Variants in SEC24D observed in about 807,000 individuals in gnomAD.
The protein encoded by SEC24D is SEC24 homolog D, COPII component, also known as protein transport protein Sec24D.
A neutral mutation model predicts 116.9 loss-of-function variants in SEC24D; 69 were observed. The observed-to-expected ratio is 0.59, with a 90% CI of 0.49 to 0.72. The LOEUF (loss-of-function observed/expected upper bound fraction) is 0.72, where lower values mean the gene tolerates loss of function less well. Among genes scored for constraint, SEC24D ranks in the 30% least tolerant of loss-of-function variants. SEC24D has a pLI of 0.00. For synonymous variants in SEC24D, 405 were observed against 442.8 expected, an observed-to-expected ratio of 0.91 and a Z score of 1.07; for missense variants, 1,131 against 1,264.1, an observed-to-expected ratio of 0.89 and a Z score of 1.60.
intron 3 of SEC24D, among the ~76,000 whole-genome samples, chr4:118,819,421 C>T (rs1578472972): frequency 6.7e-6 from 1 of 148,804 alleles, no homozygotes; most frequent in Non-Finnish European, 1.5e-5. Context: ...GTCCCAGCTA[C>T]TTGGGAGCCT....
At chr4:118,813,236 G>C (rs780803977) in intron 6 of SEC24D, among the ~76,000 whole-genome samples, 1 of 152,160 alleles carries the variant, frequency 6.6e-6, no homozygotes, top group Admixed American at 6.5e-5. Flanking sequence ...GAGTCACATG[G>C]TCACAAGCCA....
intron 6 of SEC24D, among the ~76,000 whole-genome samples, chr4:118,808,058 C>A (rs543027723): frequency 3.0e-4 from 45 of 151,608 alleles, no homozygotes; most frequent in African/African-American, 1.0e-3. Context: ...ATCTCCTGGG[C>A]TCAAGCCATC....
intron 8 of SEC24D, among the ~76,000 whole-genome samples, chr4:118,788,738 G>A (rs1221422942): frequency 6.6e-6 from 1 of 152,176 alleles, no homozygotes; most frequent in East Asian, 1.9e-4. Flanking sequence ...TTTAAAAAAT[G>A]TTTATTTCAT....
At chr4:118,738,458 A>C in intron 18 of SEC24D, 79 bp from the exon 19 acceptor site, 1 of 991,238 alleles carries the variant, frequency 1.0e-6, no homozygotes, top group South Asian at 1.3e-5. Flanking sequence ...AAAAAAGAAC[A>C]AGTTGCTATT....
intron 8 of SEC24D, among the ~76,000 whole-genome samples, chr4:118,777,059 T>C (rs979536897): frequency 6.6e-6 from 1 of 152,050 alleles, no homozygotes; most frequent in Non-Finnish European, 1.5e-5. Context: ...TATAAGGCCA[T>C]AAAAAGAGAT....
chr4:118,761,516 C>A (rs180976929), intron 10 of SEC24D, among the ~76,000 whole-genome samples: 3 of 152,362 alleles, frequency 2.0e-5, no homozygotes, highest in Admixed American at 2.0e-4. Context: ...ATTCCCAATA[C>A]ACATTCTCCC....
chr4:118,828,192 T>A (rs1460106268), intron 2 of SEC24D, among the ~76,000 whole-genome samples: 1 of 151,772 alleles, frequency 6.6e-6, no homozygotes, highest in Non-Finnish European at 1.5e-5. Flanking sequence ...CACTGCAAGC[T>A]CCGCCTCCCA....
chr4:118,794,036 A>G (rs564264096), intron 8 of SEC24D, among the ~76,000 whole-genome samples: 236 of 152,376 alleles, frequency 1.5e-3, no homozygotes, highest in African/African-American at 4.9e-3. Flanking sequence ...GAAAGCACAG[A>G]GATGAAAATG....
rs1038729743 is a variant in SEC24D, at chr4:118,780,455, G to A, written c.1042-12144C>T. On this transcript the variant is annotated intron_variant, in intron 8 of 22. Transcript: ENST00000280551. ...CTGAGTTCTAATTTGATTGCACTGT[G>A]GTCAGAGAGGCAGTTTGTTGTGATT... 4.6e-5 allele frequency among the ~76,000 whole-genome samples: 7 copies of A among 152,300 alleles called. 1 individual carries two copies. The highest frequency in any genetic ancestry group is 1.3e-4 in the Admixed American group (2 of 15,302).
intron 1 of SEC24D, among the ~76,000 whole-genome samples, chr4:118,833,998 C>A (rs982506450): frequency 6.6e-6 from 1 of 152,174 alleles, no homozygotes; most frequent in Non-Finnish European, 1.5e-5. Context: ...CTCGCAACCA[C>A]TTTTTTAATG....
chr4:118,728,836 A>G, intron 21 of SEC24D, 186 bp from the exon 22 acceptor site: 1 of 512,308 alleles, frequency 2.0e-6, no homozygotes. Context: ...CCCATAATTG[A>G]CAGAAGACAA....
chr4:118,780,271 T>C (rs1025137277), intron 8 of SEC24D, among the ~76,000 whole-genome samples: 2 of 152,178 alleles, frequency 1.3e-5, no homozygotes, highest in South Asian at 2.1e-4. Flanking sequence ...CACTGCTTTA[T>C]ATGTGTCCCA....
chr4:118,782,770 C>A (rs915693841), intron 8 of SEC24D, among the ~76,000 whole-genome samples: 2 of 152,192 alleles, frequency 1.3e-5, no homozygotes, highest in Non-Finnish European at 2.9e-5. Context: ...TTTGAGCTTC[C>A]CTGGCTGGTT....
chr4:118,815,552 T>C lies in SEC24D; in HGVS notation c.572A>G (p.Tyr191Cys). The C allele has an allele frequency of 6.2e-7, 1 of 1,614,158 alleles. No individual in the cohort carries two copies. The highest frequency in any genetic ancestry group is 8.5e-7 in the Non-Finnish European group (1 of 1,180,022). Residue 191 changes from tyrosine (Y) to cysteine (C), a missense_variant, in exon 5 of 23, where the codon TAC becomes TGC. By Grantham distance (194) the Tyr-to-Cys change is radical. Transcript: ENST00000280551. ...PGASPLPLPMYRPDGLSGPPP... is the reference protein window; with the variant it reads ...PGASPLPLPMCRPDGLSGPPP... Reference sequence around the variant, plus strand: ...AGGCCCAGAGAGCCCATCTGGTCTGTACATTGGTAGAGGCAAAGGTGAGGC... The same window carrying C: ...AGGCCCAGAGAGCCCATCTGGTCTGCACATTGGTAGAGGCAAAGGTGAGGC...
At chr4:118,740,623 A>G in intron 17 of SEC24D, 40 bp downstream of exon 17, 1 of 1,605,024 alleles carries the variant, frequency 6.2e-7, no homozygotes, top group Non-Finnish European at 8.5e-7. Flanking sequence ...TGTCGGCAAC[A>G]AACTAAAATA....
At chr4:118,732,374 A>G (rs1725737486) in intron 20 of SEC24D, among the ~76,000 whole-genome samples, 1 of 152,072 alleles carries the variant, frequency 6.6e-6, no homozygotes, top group Non-Finnish European at 1.5e-5. Context: ...TCCTGACCTC[A>G]GGCAATCTGC....
chr4:118,820,012 A>C (rs577133794), intron 3 of SEC24D, among the ~76,000 whole-genome samples: 1 of 152,304 alleles, frequency 6.6e-6, no homozygotes, highest in South Asian at 2.1e-4. Context: ...CTTTCTGACC[A>C]ACTTAAATAT....
intron 7 of SEC24D, among the ~76,000 whole-genome samples, chr4:118,802,275 A>G (rs1383673407): frequency 6.6e-6 from 1 of 152,236 alleles, no homozygotes; most frequent in African/African-American, 2.4e-5. Flanking sequence ...AAGGAATAAT[A>G]TTTTAAAGTT....
At chr4:118,773,722 GAA>G (rs945193541) in intron 8 of SEC24D, among the ~76,000 whole-genome samples, 2 of 152,216 alleles carry the variant, frequency 1.3e-5, no homozygotes, top group Non-Finnish European at 2.9e-5. Context: ...AGGCGAAAAG[GAA>G]AAGAGTCTGT....
Sources: allele counts gnomAD v4.1 joint callset (sites outside exome capture counted in the v4.1 genomes callset), GRCh38; gene constraint gnomAD v4.1.1; transcripts MANE v1.5; gene names NCBI Gene and HGNC (gene_info 2026-07-23, HGNC 2026-07-21).